Variants in DEAF1 observed in about 807,000 individuals in gnomAD.
DEAF1 encodes the protein DEAF1 transcription factor.
A neutral mutation model predicts 58.9 loss-of-function variants in DEAF1; 53 were observed. The ratio of observed to expected loss-of-function variants is 0.90; its 90% CI spans 0.72 to 1.13. The LOEUF is 1.13. DEAF1 is among the 50% of genes most tolerant of loss of function. The pLI is 0.00. For missense variants in DEAF1, 685 were observed against 791.4 expected (o/e 0.87, Z 1.61); for synonymous variants, 385 against 340.4 (o/e 1.13, Z -1.44).
At chr11:683,953 G>A (rs556328276) in intron 6 of DEAF1, among the ~76,000 whole-genome samples, 1 of 152,130 alleles carries the variant, frequency 6.6e-6, no homozygotes, top group African/African-American at 2.4e-5. Flanking sequence ...CTTTACTCCT[G>A]CAGCGTCTCT....
chr11:665,416 C>T (rs989841786), intron 10 of DEAF1, among the ~76,000 whole-genome samples: 33 of 152,210 alleles, frequency 2.2e-4, no homozygotes, highest in African/African-American at 7.7e-4. Context: ...AGAAAGGGAA[C>T]ACATCGCTTC....
At chr11:672,580 C>A (rs1011468612) in intron 10 of DEAF1, among the ~76,000 whole-genome samples, 1 of 152,218 alleles carries the variant, frequency 6.6e-6, no homozygotes, top group African/African-American at 2.4e-5. Flanking sequence ...GGCAAGGTGG[C>A]TCATGCCTGT....
intron 11 of DEAF1, among the ~76,000 whole-genome samples, chr11:645,511 T>C (rs998172730): frequency 1.3e-5 from 2 of 152,092 alleles, no homozygotes; most frequent in African/African-American, 4.8e-5. Context: ...AGAGACAGGG[T>C]TTCACCATGT....
At chr11:691,349 G>T in intron 2 of DEAF1, 152 bp downstream of exon 2, 1 of 719,450 alleles carries the variant, frequency 1.4e-6, no homozygotes, top group Non-Finnish European at 2.4e-6. Context: ...CAGCCCGAAG[G>T]CCTCTGAGAG....
At chr11:668,309 T>C (rs1022322789) in intron 10 of DEAF1, among the ~76,000 whole-genome samples, 2 of 152,204 alleles carry the variant, frequency 1.3e-5, no homozygotes, top group Admixed American at 6.5e-5. Flanking sequence ...TGAACCACCT[T>C]GACCTAATGA....
intron 6 of DEAF1, among the ~76,000 whole-genome samples, chr11:684,564 A>C (rs1860505588): frequency 6.6e-6 from 1 of 152,256 alleles, no homozygotes; most frequent in Non-Finnish European, 1.5e-5. Context: ...CAAAATGAGG[A>C]ATATAAAATG....
At chr11:691,674 TCAAA>T (rs1225470529) in intron 1 of DEAF1, 76 bp from the exon 2 acceptor site, 21 of 1,308,392 alleles carry the variant, frequency 1.6e-5, no homozygotes, top group East Asian at 2.4e-5. Flanking sequence ...CTCAGGTGCT[TCAAA>T]CAAAGTGACT....
intron 1 of DEAF1, chr11:700,961 C>T (rs1424770588): frequency 5.7e-6 from 3 of 526,394 alleles, no homozygotes; most frequent in Non-Finnish European, 1.0e-5. Flanking sequence ...GTAGAAGCCA[C>T]TGGGTAATGG....
chr11:644,676 T>A lies in DEAF1; in HGVS notation c.1594-22A>T. 1 of 1,577,974 alleles carries A rather than the reference T, an allele frequency of 6.3e-7. No homozygotes were observed. Among genetic ancestry groups the A allele is most frequent in the Non-Finnish European group, 8.6e-7 (1 of 1,159,150 alleles). On this transcript the variant is annotated intron_variant, in intron 11 of 11. Coordinates refer to ENST00000382409, the MANE Select transcript of DEAF1 (RefSeq NM_021008.4). The surrounding 1 kb of genome is among the most constrained non-coding windows in gnomAD (Gnocchi z 4.3). ...AGTCCTGGAAGGGAGGACACACCCA[T>A]GTCAGCAGGGTCAGTGGGTGGAGCA...
At chr11:695,530 T>C, upstream of DEAF1, 1 of 1,104,810 alleles carries the variant, frequency 9.1e-7, no homozygotes, top group Non-Finnish European at 1.1e-6. Flanking sequence ...GTGCCGCGGG[T>C]TTCGCCCGTT....
chr11:695,360 A>AGGTCCGAGTCCTCACGAGGG (rs1861079120), upstream of DEAF1: 2 of 429,568 alleles, frequency 4.7e-6, no homozygotes, highest in Non-Finnish European at 8.2e-6. Context: ...CAGTCCGAAT[A>AGGTCCGAGTCCTCACGAGGG]GGTCCGAGTC....
chr11:694,371 A>AGGGCAGGCC (rs1356174833), intron 1 of DEAF1: 2 of 107,128 alleles, frequency 1.9e-5, no homozygotes, highest in Non-Finnish European at 3.7e-5. Context: ...CGGGGCAGGT[A>AGGGCAGGCC]GGGCAGGCCG....
intron 1 of DEAF1, chr11:702,927 C>G (rs1389652361): frequency 1.3e-6 from 2 of 1,596,518 alleles, no homozygotes; most frequent in East Asian, 2.2e-5. Flanking sequence ...CTTCCCTCCC[C>G]TTTGCTCTGT....
At chr11:650,192 T>C (rs1008944945) in intron 11 of DEAF1, among the ~76,000 whole-genome samples, 1 of 151,610 alleles carries the variant, frequency 6.6e-6, no homozygotes. Context: ...CTGGCCAACA[T>C]GGTGAAACCC....
chr11:688,082 G>T lies in DEAF1; in HGVS notation c.518-25C>A. 3 of 1,613,678 alleles carry T rather than the reference G, an allele frequency of 1.9e-6. No individual in the cohort carries two copies. Among genetic ancestry groups the T allele is most frequent in the Non-Finnish European group, 2.5e-6 (3 of 1,179,948 alleles). ...CCTTGGGCAGAGAAAGTGTTTGAAG[G>T]TGAGAGGCCGGACACCGGGAAGCAT... On this transcript the variant is annotated intron_variant, in intron 3 of 11. Transcript: ENST00000382409. This position sits in a 1 kb window ranked among gnomAD's most constrained non-coding sequence, Gnocchi z 4.3.
intron 10 of DEAF1, among the ~76,000 whole-genome samples, chr11:667,168 A>G (rs537874371): frequency 3.3e-4 from 50 of 151,972 alleles, no homozygotes; most frequent in Non-Finnish European, 6.6e-4. Flanking sequence ...AACCCCAGCT[A>G]AAAATTGGCC....
In DEAF1 at chr11:695,101, G is replaced by A; in HGVS notation, c.-54C>T. 1 of 1,390,868 alleles carries A rather than the reference G, an allele frequency of 7.2e-7. No homozygotes were observed. The highest frequency in any genetic ancestry group is 9.3e-7 in the Non-Finnish European group (1 of 1,073,012). The allele number at this position is 1,390,868 out of a possible 1,614,324, so 86.2% of individuals were successfully genotyped here. On this transcript the variant is annotated 5_prime_UTR_variant, in exon 1 of 12. Coordinates refer to ENST00000382409, the MANE Select transcript of DEAF1 (RefSeq NM_021008.4). ...GCCGTCCGGGACCGCCCGAAGCGCC[G>A]GTCGCGGAGCCCGAAGCGGGGCCCG...
rs562594489 is a variant in DEAF1, at chr11:704,417, C to G, written c.-438+2155G>C. On this transcript the variant is annotated intron_variant, in intron 1 of 11. Coordinates refer to the DEAF1 transcript ENST00000683307. ...GCACCCAGTTGTCCTGGGCCGACTTCCTTTGACCTGTCTGTGGCCCCCAGT... is the reference window on the plus strand; with the variant it reads ...GCACCCAGTTGTCCTGGGCCGACTTGCTTTGACCTGTCTGTGGCCCCCAGT... The G allele has an allele frequency of 4.3e-5, 55 of 1,283,806 alleles. 3 individuals are homozygous for G. In the South Asian group the frequency reaches 6.3e-4, roughly 15 times the overall value. The allele number at this position is 1,283,806 out of a possible 1,614,324, so 79.5% of individuals were successfully genotyped here.
chr11:688,351 GGGCCTTTCAGCCC>G lies in DEAF1; in HGVS notation c.484_496del (p.Gly162ArgfsTer107), dbSNP rs1339559716. On this transcript the variant is annotated frameshift_variant, in exon 3 of 12. Transcript: ENST00000382409. LOFTEE classifies it high-confidence loss of function. The surrounding 1 kb of genome is among the most constrained non-coding windows in gnomAD (Gnocchi z 4.3). Reference sequence around the variant, plus strand: ...TGTACCTGGGGTGAGGGGAGCTGCCGGGCCTTTCAGCCCGGTGGTCTCCACGATGCTCCCATCT... The same window carrying G: ...TGTACCTGGGGTGAGGGGAGCTGCCGGGTGGTCTCCACGATGCTCCCATCT... The G allele has an allele frequency of 6.2e-7, 1 of 1,613,586 alleles. No individual in the cohort carries two copies. The highest frequency in any genetic ancestry group is 1.3e-5 in the African/African-American group (1 of 74,940).
Sources: allele counts gnomAD v4.1 joint callset (sites outside exome capture counted in the v4.1 genomes callset), GRCh38; gene constraint gnomAD v4.1.1; non-coding constraint Gnocchi (gnomAD v3.1); transcripts MANE v1.5; gene names NCBI Gene and HGNC (gene_info 2026-07-23, HGNC 2026-07-21).